Variants in SRGAP2B observed in about 807,000 individuals in gnomAD.
SRGAP2B encodes SLIT-ROBO Rho GTPase activating protein 2B.
A neutral mutation model predicts 22.2 loss-of-function variants in SRGAP2B; 9 were observed. That is an observed-to-expected ratio of 0.41 (90% CI 0.24 to 0.71). SRGAP2B has a LOEUF of 0.71. SRGAP2B is among the 30% of genes least tolerant of loss of function. SRGAP2B has a pLI of 0.35. For missense variants in SRGAP2B, 114 were observed against 235.8 expected, an observed-to-expected ratio of 0.48 and a Z score of 3.38; for synonymous variants, 36 against 87.4, an observed-to-expected ratio of 0.41 and a Z score of 3.28.
chr1:144,994,891 C>G (rs1398840869), intron 3 of SRGAP2B, 117 bp downstream of exon 3: 1 of 599,746 alleles, frequency 1.7e-6, no homozygotes, highest in African/African-American at 2.0e-5. Context: ...GGGCTTTCAA[C>G]CAATCTGAAG....
intron 3 of SRGAP2B, among the ~76,000 whole-genome samples, chr1:144,985,207 ACTC>A (rs1482833769): frequency 7.6e-6 from 1 of 131,622 alleles, no homozygotes; most frequent in African/African-American, 3.1e-5. Flanking sequence ...GGAAAGAACT[ACTC>A]CTTTTATTTC....
chr1:144,994,831 G>A (rs1200589769), intron 3 of SRGAP2B, among the ~76,000 whole-genome samples, 177 bp downstream of exon 3: 10 of 150,468 alleles, frequency 6.6e-5, no homozygotes, highest in Middle Eastern at 3.2e-3. Context: ...TCATCTCTAC[G>A]AAATGTTGAA....
chr1:144,955,290 C>A, intron 4 of SRGAP2B, 149 bp downstream of exon 4: 1 of 389,708 alleles, frequency 2.6e-6, no homozygotes, highest in Non-Finnish European at 4.9e-6. Context: ...GGTATATGTG[C>A]AAGTTTGTTA....
At chr1:144,970,993 CCACA>C (rs1162907414) in intron 3 of SRGAP2B, among the ~76,000 whole-genome samples, 1 of 150,340 alleles carries the variant, frequency 6.7e-6, no homozygotes, top group Middle Eastern at 3.2e-3. Context: ...ACTCAACAGC[CCACA>C]CAATGAATTC....
rs587596039 is a variant in SRGAP2B, at chr1:145,006,986, C to G, written c.68-11786G>C. Among the ~76,000 whole-genome samples, 11 of 150,396 alleles carry G rather than the reference C, an allele frequency of 7.3e-5. No homozygotes were observed. In the East Asian group the frequency reaches 2.1e-3, roughly 29 times the overall value. On this transcript the variant is annotated intron_variant, in intron 2 of 9. Transcript: ENST00000612199. ...TGTCTCCCTGAACAAGACACTTAAT[C>G]TCTCTAAGTTGTTTTCATTATCTAC...
At chr1:145,068,930 TG>T in intron 2 of SRGAP2B, among the ~76,000 whole-genome samples, 1 of 148,752 alleles carries the variant, frequency 6.7e-6, no homozygotes, top group Non-Finnish European at 1.5e-5. Flanking sequence ...TGTGTGTGTG[TG>T]TGTGTGTGTG....
At chr1:145,009,292 TAAAAC>T (rs1671856960) in intron 2 of SRGAP2B, among the ~76,000 whole-genome samples, 2 of 144,620 alleles carry the variant, frequency 1.4e-5, no homozygotes, top group Non-Finnish European at 3.0e-5. Context: ...GGGATACAGA[TAAAAC>T]AAAACTGGCG....
chr1:144,912,039 C>G (rs1663461724), intron 5 of SRGAP2B, among the ~76,000 whole-genome samples: 1 of 147,728 alleles, frequency 6.8e-6, no homozygotes, highest in Non-Finnish European at 1.5e-5. Context: ...CAAGCTCTGC[C>G]TCCCAGGTTC....
chr1:144,976,668 C>T (rs1220291690), intron 3 of SRGAP2B, among the ~76,000 whole-genome samples: 3 of 144,906 alleles, frequency 2.1e-5, no homozygotes, highest in East Asian at 2.0e-4. Context: ...GCTCAAAGAA[C>T]GATGGGGACA....
At chr1:145,030,444 G>C (rs1292295841) in intron 2 of SRGAP2B, among the ~76,000 whole-genome samples, 1 of 133,232 alleles carries the variant, frequency 7.5e-6, no homozygotes, top group Non-Finnish European at 1.5e-5. Flanking sequence ...GCAAACTATC[G>C]CAAGGAAAAA....
intron 3 of SRGAP2B, among the ~76,000 whole-genome samples, chr1:144,987,133 A>G (rs1371071774): frequency 6.6e-6 from 1 of 152,122 alleles, no homozygotes; most frequent in Non-Finnish European, 1.5e-5. Flanking sequence ...TTCTTTGTGC[A>G]CCTGTGGCAC....
At position 144,966,079 on chromosome 1, in the gene SRGAP2B, C is replaced by T. The variant is rs1454014015; in HGVS notation, c.261-10478G>A. 4.0e-5 allele frequency among the ~76,000 whole-genome samples: 6 copies of T among 149,178 alleles called. 1 individual carries two copies. The highest frequency in any genetic ancestry group is 5.9e-5 in the Non-Finnish European group (4 of 67,360). On this transcript the variant is annotated intron_variant, in intron 3 of 9. Transcript: ENST00000612199. Reference sequence around the variant, plus strand: ...TGGAAAACACTCTGCAGGATATTATCCAGGAGAACTTCCCCAATCTAGCAA... The same window carrying T: ...TGGAAAACACTCTGCAGGATATTATTCAGGAGAACTTCCCCAATCTAGCAA...
At chr1:145,068,840 T>A (rs1193772618) in intron 2 of SRGAP2B, among the ~76,000 whole-genome samples, 2 of 148,350 alleles carry the variant, frequency 1.3e-5, no homozygotes, top group Non-Finnish European at 3.0e-5. Flanking sequence ...TTAAAATATA[T>A]AGAAATTACA....
intron 7 of SRGAP2B, among the ~76,000 whole-genome samples, chr1:144,904,293 A>G (rs1474868571): frequency 7.1e-6 from 1 of 140,652 alleles, no homozygotes; most frequent in Non-Finnish European, 1.5e-5. Context: ...GTTAACACCG[A>G]GAAACCTTAA....
In SRGAP2B at chr1:145,080,206, G is replaced by C. The variant is rs587699287; in HGVS notation, c.67+12629C>G. ...TCTCTGAGCTTACTGGAAGTCCAAA[G>C]TTTAATAGTTATCCTGATTAAAACA... is the stretch of plus-strand genomic sequence containing the variant. On this transcript the variant is annotated intron_variant, in intron 2 of 9. Transcript: ENST00000612199. 8.9e-3 allele frequency among the ~76,000 whole-genome samples: 1,324 copies of C among 149,376 alleles called. 46 individuals are homozygous for C. The highest frequency in any genetic ancestry group is 0.013 in the Non-Finnish European group (906 of 67,630).
chr1:144,921,339 T>A (rs1664239254), intron 4 of SRGAP2B, among the ~76,000 whole-genome samples: 1 of 149,604 alleles, frequency 6.7e-6, no homozygotes, highest in Non-Finnish European at 1.5e-5. Context: ...TAAATTCTTT[T>A]TCTTTGGGTT....
intron 5 of SRGAP2B, among the ~76,000 whole-genome samples, chr1:144,910,429 T>A (rs1663336077): frequency 1.4e-5 from 2 of 145,580 alleles, no homozygotes; most frequent in South Asian, 4.3e-4. Flanking sequence ...CAAGCAGAGT[T>A]GAGGGACTAT....
At position 145,065,316 on chromosome 1, in the gene SRGAP2B, G is replaced by A. The variant is rs1177306348; in HGVS notation, c.67+27519C>T. Among the ~76,000 whole-genome samples, 96 of 150,808 alleles carry A rather than the reference G, an allele frequency of 6.4e-4. 2 individuals are homozygous for A. The highest frequency in any genetic ancestry group is 2.0e-3 in the African/African-American group (82 of 40,440). On this transcript the variant is annotated intron_variant, in intron 2 of 9. Coordinates refer to ENST00000612199, the Ensembl canonical transcript of SRGAP2B. ...TGGAGAACTGCAACTAGGCAGCAGA[G>A]AGCTAGCTGGTTTCTAAGGAGATCG...
intron 2 of SRGAP2B, among the ~76,000 whole-genome samples, chr1:145,045,310 AAAAG>A (rs1235162442): frequency 4.2e-5 from 6 of 143,566 alleles, no homozygotes; most frequent in African/African-American, 8.1e-5. Context: ...AAAAAAAAAA[AAAAG>A]AAAGAAAGAA....
Sources: allele counts gnomAD v4.1 joint callset (sites outside exome capture counted in the v4.1 genomes callset), GRCh38; gene constraint gnomAD v4.1.1; transcripts MANE v1.5; gene names NCBI Gene and HGNC (gene_info 2026-07-23, HGNC 2026-07-21).